NHSL3: variants seen among roughly 807,000 people sequenced by gnomAD.
The protein encoded by NHSL3 is NHS like 3, also known as NHS-like protein 3.
the NHSL3 span, chr1:32,770,302 C>T: frequency 2.7e-5 from 43 of 1,612,336 alleles, no homozygotes; most frequent in South Asian, 2.7e-4. This position sits in a 1 kb window ranked among gnomAD's most constrained non-coding sequence, Gnocchi z 8.3. Flanking sequence ...CTGCAGCCTG[C>T]GCACACTAAG....
chr1:32,768,851 C>G, the NHSL3 span: 1 of 1,534,268 alleles, frequency 6.5e-7, no homozygotes, highest in South Asian at 1.2e-5. Flanking sequence ...TCCTCCTTAT[C>G]CAGTGTTTCA....
chr1:32,773,057 C>A, the NHSL3 span: 1 of 663,016 alleles, frequency 1.5e-6, no homozygotes, highest in Non-Finnish European at 2.7e-6. Context: ...TTGCTCCTGT[C>A]CTCAGAGTCA....
the NHSL3 span, chr1:32,768,922 G>T: frequency 3.0e-6 from 3 of 1,009,114 alleles, no homozygotes; most frequent in Non-Finnish European, 2.9e-6. Context: ...TTGCACATTC[G>T]TGATACACAC....
At chr1:32,769,701 T>C in the NHSL3 span, 106 of 1,613,692 alleles carry the variant, frequency 6.6e-5, no homozygotes, top group Non-Finnish European at 2.0e-5. Flanking sequence ...ATGACTCATT[T>C]CCCAAATCTG....
the NHSL3 span, among the ~76,000 whole-genome samples, chr1:32,756,476 C>CCA: frequency 9.3e-5 from 10 of 107,750 alleles, 4 homozygotes; most frequent in Admixed American, 4.4e-4. Flanking sequence ...CGAGACCCCC[C>CCA]CCCCCCGCCC....
At chr1:32,742,284 G>T in the NHSL3 span, 1 of 1,156,854 alleles carries the variant, frequency 8.6e-7, no homozygotes, top group Non-Finnish European at 1.1e-6. Context: ...TGTTGGAGGG[G>T]GGTGACCCCC....
At chr1:32,771,365 C>T in the NHSL3 span, 2 of 1,571,716 alleles carry the variant, frequency 1.3e-6, no homozygotes, top group Non-Finnish European at 1.7e-6. Context: ...GACCAGTCAC[C>T]CCCACCTTCC....
chr1:32,770,738 G>T, the NHSL3 span: 1 of 1,557,242 alleles, frequency 6.4e-7, no homozygotes, highest in Non-Finnish European at 8.7e-7. The surrounding 1 kb of genome is among the most constrained non-coding windows in gnomAD (Gnocchi z 8.3). Context: ...GGGCCATTAG[G>T]GTTGCCCCCT....
chr1:32,770,766 G>A, the NHSL3 span: 1 of 1,576,648 alleles, frequency 6.3e-7, no homozygotes, highest in Non-Finnish European at 8.6e-7. The surrounding 1 kb of genome is among the most constrained non-coding windows in gnomAD (Gnocchi z 8.3). Context: ...AGCGTAAGCA[G>A]CAGCCCCAGC....
At chr1:32,767,909 G>T in the NHSL3 span, 2 of 1,614,132 alleles carry the variant, frequency 1.2e-6, no homozygotes, top group South Asian at 2.2e-5. Context: ...CCACCTGGAA[G>T]AGCTGCACAC....
chr1:32,744,497 C>T, the NHSL3 span, among the ~76,000 whole-genome samples: 12 of 152,242 alleles, frequency 7.9e-5, no homozygotes, highest in East Asian at 2.3e-3. Context: ...CCTCAAAAAT[C>T]GGGACTGTTT....
At chr1:32,752,973 G>GTT in the NHSL3 span, among the ~76,000 whole-genome samples, 4 of 92,814 alleles carry the variant, frequency 4.3e-5, no homozygotes, top group Middle Eastern at 8.2e-3. Context: ...ATATATTTTG[G>GTT]TTTTTTTTTT....
At chr1:32,772,277 T>TCCCCCCCCC in the NHSL3 span, 3 of 1,587,330 alleles carry the variant, frequency 1.9e-6, no homozygotes, top group Non-Finnish European at 2.6e-6. Flanking sequence ...TCTGTGGGAG[T>TCCCCCCCCC]CCCCCCACCC....
At chr1:32,742,137 C>T in the NHSL3 span, 16 of 1,244,656 alleles carry the variant, frequency 1.3e-5, no homozygotes, top group South Asian at 3.3e-4. Context: ...CGGCCGCCCC[C>T]CGGGCCAAGA....
the NHSL3 span, among the ~76,000 whole-genome samples, chr1:32,756,470 A>ACCCCCCCCCCCC: frequency 4.6e-4 from 23 of 50,490 alleles, 5 homozygotes; most frequent in Non-Finnish European, 6.7e-4. Flanking sequence ...ACATGACGAG[A>ACCCCCCCCCCCC]CCCCCCCCCC....
At chr1:32,761,417 T>G in the NHSL3 span, among the ~76,000 whole-genome samples, 2 of 152,146 alleles carry the variant, frequency 1.3e-5, no homozygotes, top group Non-Finnish European at 2.9e-5. Context: ...CTTGGATCTC[T>G]GGGAATTTGC....
At chr1:32,765,696 G>A in the NHSL3 span, 1 of 1,540,854 alleles carries the variant, frequency 6.5e-7, no homozygotes, top group African/African-American at 1.4e-5. Flanking sequence ...CTGGGTTACA[G>A]TGAAGGTACG....
the NHSL3 span, among the ~76,000 whole-genome samples, chr1:32,763,812 G>A: frequency 1.3e-5 from 2 of 152,146 alleles, no homozygotes; most frequent in African/African-American, 4.8e-5. Flanking sequence ...GACCTCAGGT[G>A]ATCTGCCTGC....
chr1:32,758,066 G>T, the NHSL3 span, among the ~76,000 whole-genome samples: 1 of 152,184 alleles, frequency 6.6e-6, no homozygotes. Flanking sequence ...AAATGCCCTT[G>T]TAAGGTAGAG....
Sources: gnomAD v4.1 joint callset for allele counts (sites outside exome capture counted in the v4.1 genomes callset) on GRCh38, gnomAD v4.1.1 for gene constraint, Gnocchi (gnomAD v3.1) non-coding constraint, MANE v1.5 for transcripts, NCBI Gene and HGNC (gene_info 2026-07-23, HGNC 2026-07-21) for gene names.